The following NCOR2 variants were observed in gnomAD, a reference collection of about 807,000 sequenced individuals.
The protein encoded by NCOR2 is nuclear receptor corepressor 2.
In NCOR2, 81 loss-of-function variants were observed where a neutral mutation model predicts 262.9. The ratio of observed to expected loss-of-function variants is 0.31; its 90% CI spans 0.26 to 0.37. NCOR2 has a LOEUF of 0.37. NCOR2 is among the 10% of genes least tolerant of loss of function. NCOR2 has a pLI of 1.00. For missense variants in NCOR2, 3,385 were observed against 3,621.4 expected (o/e 0.93, Z 1.68); for synonymous variants, 1,659 against 1,559.3 (o/e 1.06, Z -1.51).
chr12:124,481,735 G>T lies in NCOR2; in HGVS notation c.411+1861C>A, dbSNP rs972896600. Among the ~76,000 whole-genome samples the T allele has an allele frequency of 9.9e-5, 15 of 152,152 alleles. No individual in the cohort carries two copies. Among genetic ancestry groups the T allele is most frequent in the African/African-American group, 3.6e-4 (15 of 41,416 alleles). On this transcript the variant is annotated intron_variant, in intron 3 of 46. Coordinates refer to ENST00000405201, the Ensembl canonical transcript of NCOR2. This position sits in a 1 kb window ranked among gnomAD's most constrained non-coding sequence, Gnocchi z 4.6. ...CCTGCAGCCCATGGCAAGGATTTTG[G>T]CTTTTTCCTGCTTGAGACAGGAGCC...
intron 2 of NCOR2, among the ~76,000 whole-genome samples, chr12:124,484,701 G>A (rs752006466): frequency 2.0e-5 from 3 of 152,148 alleles, no homozygotes; most frequent in South Asian, 2.1e-4. Context: ...CTGTCATGGT[G>A]CAGATGGCGC....
chr12:124,481,489 C>T lies in NCOR2; in HGVS notation c.411+2107G>A, dbSNP rs1313985372. The stretch of plus-strand genomic sequence containing the variant: ...CCACAGGTCTCCCCTGCCATGCAGG[C>T]CCTGGAGGGCAGCCAGGGCTGGAAG... On this transcript the variant is annotated intron_variant, in intron 3 of 46. Transcript: ENST00000405201. The surrounding 1 kb of genome is among the most constrained non-coding windows in gnomAD (Gnocchi z 4.6). Among the ~76,000 whole-genome samples, 2 of 152,150 alleles carry T rather than the reference C, an allele frequency of 1.3e-5. No homozygotes were observed. The highest frequency in any genetic ancestry group is 6.5e-5 in the Admixed American group (1 of 15,288).
At chr12:124,465,231 C>A (rs1229982441) in intron 5 of NCOR2, among the ~76,000 whole-genome samples, 3 of 152,184 alleles carry the variant, frequency 2.0e-5, no homozygotes, top group Non-Finnish European at 4.4e-5. Context: ...ATCTGTCATG[C>A]TTCACAAGGA....
At position 124,566,585 on chromosome 12, in the gene NCOR2, G is replaced by T. The variant is rs2052247540; in HGVS notation, c.-165+723C>A. 6.6e-6 allele frequency among the ~76,000 whole-genome samples: 1 copy of T among 152,258 alleles called. No homozygotes were observed. Among genetic ancestry groups the T allele is most frequent in the South Asian group, 2.1e-4 (1 of 4,834 alleles). Reference sequence around the variant, plus strand: ...GGGTCTTCCCAGTCGTGCCCAAGTGGGATCAGCTCTGAATTCCAACTTCGC... The same window carrying T: ...GGGTCTTCCCAGTCGTGCCCAAGTGTGATCAGCTCTGAATTCCAACTTCGC... On this transcript the variant is annotated intron_variant, in intron 1 of 32. Transcript: ENST00000458234. This position sits in a 1 kb window ranked among gnomAD's most constrained non-coding sequence, Gnocchi z 4.3.
At position 124,549,037 on chromosome 12, in the gene NCOR2, T is replaced by C. The variant is rs1356871743; in HGVS notation, c.-164-13426A>G. On this transcript the variant is annotated intron_variant, in intron 1 of 32. Transcript: ENST00000458234. This position sits in a 1 kb window ranked among gnomAD's most constrained non-coding sequence, Gnocchi z 4.4. ...AATTCTGTGTCGAGTCTAGTCTGTA[T>C]TAAGGAGGAATTTCATTGCCCAGGA... Among the ~76,000 whole-genome samples the C allele has an allele frequency of 2.0e-5, 3 of 151,972 alleles. No individual in the cohort carries two copies. The highest frequency in any genetic ancestry group is 4.4e-5 in the Non-Finnish European group (3 of 67,994).
chr12:124,405,307 C>T (rs1210677393), intron 13 of NCOR2, among the ~76,000 whole-genome samples: 1 of 152,248 alleles, frequency 6.6e-6, no homozygotes, highest in Non-Finnish European at 1.5e-5. Context: ...GCAATCCTGG[C>T]ACCAAGCCTT....
chr12:124,499,302 T>TGCGGTGGGGTCAGAAAGGGTGG (rs2048556422), upstream of NCOR2, among the ~76,000 whole-genome samples: 1 of 152,218 alleles, frequency 6.6e-6, no homozygotes, highest in East Asian at 1.9e-4. Flanking sequence ...TGCGTCTGGC[T>TGCGGTGGGGTCAGAAAGGGTGG]GCGGTGGGGT....
At chr12:124,461,099 G>C (rs2046136533) in intron 5 of NCOR2, among the ~76,000 whole-genome samples, 1 of 152,262 alleles carries the variant, frequency 6.6e-6, no homozygotes, top group South Asian at 2.1e-4. Context: ...TGGGAGGCTG[G>C]AATTCAGGGG....
chr12:124,548,538 AT>A lies in NCOR2; in HGVS notation c.-164-12928del, dbSNP rs1408645701. Among the ~76,000 whole-genome samples the A allele has an allele frequency of 1.3e-5, 2 of 152,150 alleles. No individual in the cohort carries two copies. The highest frequency in any genetic ancestry group is 4.8e-5 in the African/African-American group (2 of 41,424). ...TTTTCTTTTTGTCATTATTATTGAT[AT>A]GAAAACAGAGGGTCTCGATGGCAAT... On this transcript the variant is annotated intron_variant, in intron 1 of 32. Coordinates refer to the NCOR2 transcript ENST00000458234. The surrounding 1 kb of genome is among the most constrained non-coding windows in gnomAD (Gnocchi z 5.1).
chr12:124,333,074 G>A (rs1424436254), intron 42 of NCOR2, 56 bp downstream of exon 44: 2 of 1,529,974 alleles, frequency 1.3e-6, no homozygotes, highest in Non-Finnish European at 1.8e-6. Flanking sequence ...TGGGGCCAAG[G>A]ATGGGCAAGG....
intron 1 of NCOR2, among the ~76,000 whole-genome samples, chr12:124,525,216 C>T (rs1468701361): frequency 2.6e-5 from 4 of 152,096 alleles, no homozygotes; most frequent in Non-Finnish European, 5.9e-5. Context: ...ACATGGTGGC[C>T]GGAGGGCCTT....
chr12:124,435,463 G>T (rs2044280719), intron 8 of NCOR2, among the ~76,000 whole-genome samples: 1 of 152,218 alleles, frequency 6.6e-6, no homozygotes, highest in South Asian at 2.1e-4. Context: ...CAGGGCTTGG[G>T]TCCCGAGGGC....
At chr12:124,429,581 G>C in intron 10 of NCOR2, 32 bp downstream of exon 12, 1 of 1,565,198 alleles carries the variant, frequency 6.4e-7, no homozygotes, top group Non-Finnish European at 8.7e-7. Context: ...CAGGGAAAAG[G>C]AGCTGAGGCC....
At chr12:124,492,970 TG>T (rs1447044989) in intron 1 of NCOR2, among the ~76,000 whole-genome samples, 2 of 151,852 alleles carry the variant, frequency 1.3e-5, no homozygotes, top group Non-Finnish European at 2.9e-5. Flanking sequence ...CACACACAGG[TG>T]GCCCCTGCTG....
chr12:124,394,371 G>A (rs1313278715), intron 16 of NCOR2, among the ~76,000 whole-genome samples: 2 of 152,200 alleles, frequency 1.3e-5, no homozygotes, highest in Admixed American at 6.5e-5. Flanking sequence ...GGTATGCCCC[G>A]GGCAGCACTG....
rs571962913 is a variant in NCOR2, at chr12:124,457,756, G to A, written c.706-594C>T. On this transcript the variant is annotated intron_variant, in intron 5 of 46. Transcript: ENST00000405201. This position sits in a 1 kb window ranked among gnomAD's most constrained non-coding sequence, Gnocchi z 4.0. ...TATTAGGAAAACAGGAACATGTGGC[G>A]CAGGGCTCGGTGGCCGCTCCATCAA... 1.3e-5 allele frequency among the ~76,000 whole-genome samples: 2 copies of A among 152,312 alleles called. No individual in the cohort carries two copies. The highest frequency in any genetic ancestry group is 2.1e-4 in the South Asian group (1 of 4,826).
At chr12:124,429,103 G>C (rs2043762258) in intron 10 of NCOR2, among the ~76,000 whole-genome samples, 2 of 152,260 alleles carry the variant, frequency 1.3e-5, no homozygotes, top group South Asian at 4.1e-4. Context: ...CCAGCCAGGA[G>C]GGCTGAGGTG....
chr12:124,530,190 CAAAGT>C (rs2050705899), intron 1 of NCOR2: 1 of 150,994 alleles, frequency 6.6e-6, no homozygotes, highest in South Asian at 2.1e-4. Flanking sequence ...CCAGACACAA[CAAAGT>C]ATAGTATATA....
At chr12:124,334,893 C>T (rs1474319105) in intron 40 of NCOR2, 14 of 636,470 alleles carry the variant, frequency 2.2e-5, no homozygotes, top group South Asian at 3.9e-5. Flanking sequence ...CCTCATTGCC[C>T]GTGAAGATGC....
Sources: gnomAD v4.1 joint callset for allele counts (sites outside exome capture counted in the v4.1 genomes callset) on GRCh38, gnomAD v4.1.1 for gene constraint, Gnocchi (gnomAD v3.1) non-coding constraint, MANE v1.5 for transcripts, NCBI Gene and HGNC (gene_info 2026-07-23, HGNC 2026-07-21) for gene names.